VCL: variants seen among roughly 807,000 people sequenced by gnomAD.
VCL encodes the protein vinculin, also known as epididymis luminal protein 114.
A neutral mutation model predicts 125.7 loss-of-function variants in VCL; 47 were observed. That is an observed-to-expected ratio of 0.37 (90% CI 0.30 to 0.48). The LOEUF (loss-of-function observed/expected upper bound fraction) is 0.48, where lower values mean the gene tolerates loss of function less well. VCL is among the 20% of genes least tolerant of loss of function. The pLI, the probability that VCL is intolerant of heterozygous loss-of-function variation, is 0.99. For missense variants in VCL, 1,069 were observed against 1,455.5 expected, an observed-to-expected ratio of 0.73 and a Z score of 4.32; for synonymous variants, 458 against 514.6, an observed-to-expected ratio of 0.89 and a Z score of 1.49.
At chr10:74,003,123 A>C (rs1309439105) in intron 1 of VCL, among the ~76,000 whole-genome samples, 1 of 151,810 alleles carries the variant, frequency 6.6e-6, no homozygotes, top group Non-Finnish European at 1.5e-5. Context: ...TCCAAGCTGG[A>C]GTGCAGTGGC....
rs147430380 is a variant in VCL at position 74,009,733 on chromosome 10, C to T, written c.168+11358C>T. ...CAAGCAGTTCTCCTGTTTCAGCCTC[C>T]CAAGTAGCTGGGACTACAGGCATGC... On this transcript the variant is annotated intron_variant, in intron 1 of 21. Coordinates refer to ENST00000211998, the MANE Select transcript of VCL (RefSeq NM_014000.3). Among the ~76,000 whole-genome samples the T allele has an allele frequency of 7.1e-4, 108 of 151,948 alleles. 6 individuals carry two copies. Among genetic ancestry groups the T allele is most frequent in the Middle Eastern group, 6.8e-3 (2 of 294 alleles).
At chr10:74,095,992 A>G in intron 12 of VCL, 137 bp downstream of exon 12, 1 of 1,106,342 alleles carries the variant, frequency 9.0e-7, no homozygotes, top group Non-Finnish European at 1.3e-6. Context: ...CAAAGATATA[A>G]GGAAATCTAG....
rs779514276 is a variant in VCL, at chr10:74,100,940, T to G, written c.1873-8T>G. On this transcript the variant is annotated splice_region_variant and splice_polypyrimidine_tract_variant and intron_variant, in intron 13 of 21. Coordinates refer to ENST00000211998, the MANE Select transcript of VCL (RefSeq NM_014000.3). ...ATAAATGTTCTTAATATCTGTTTTTTCCTCAAGGTATTTGATGAGAGGGCA... is the reference window on the plus strand; with the variant it reads ...ATAAATGTTCTTAATATCTGTTTTTGCCTCAAGGTATTTGATGAGAGGGCA... The G allele has an allele frequency of 6.2e-7, 1 of 1,614,006 alleles. No individual in the cohort carries two copies. The highest frequency in any genetic ancestry group is 1.1e-5 in the South Asian group (1 of 91,060).
Position 74,105,348 on chromosome 10 carries a change from A to T in VCL, c.2429A>T (p.Asp810Val). Residue 810 changes from aspartate to valine, a missense_variant, in exon 16 of 22, where the codon GAC becomes GTC. By Grantham distance (152) the Asp-to-Val change is radical. Around this residue, in one of 6 missense-constraint regions of VCL, gnomAD observed 760 missense variants for 928.9 expected, o/e 0.82. Coordinates refer to ENST00000211998, the MANE Select transcript of VCL (RefSeq NM_014000.3). ...AAAGCTGTGGCTGGAAACATTTCCG[A>T]CCCTGGTAAGCAATGCATGGCACTA... is the stretch of plus-strand genomic sequence containing the variant. ...DAKAVAGNISDPGLQKSFLDS... is the reference protein window; with the variant it reads ...DAKAVAGNISVPGLQKSFLDS... The T allele has an allele frequency of 6.2e-7, 1 of 1,612,152 alleles. No individual in the cohort carries two copies. Among genetic ancestry groups the T allele is most frequent in the Non-Finnish European group, 8.5e-7 (1 of 1,179,924 alleles).
intron 1 of VCL, among the ~76,000 whole-genome samples, chr10:74,029,117 A>ATT (rs547013797): frequency 7.3e-6 from 1 of 137,380 alleles, no homozygotes; most frequent in South Asian, 2.3e-4. Flanking sequence ...ATACAGAAGA[A>ATT]TTTTTTTTTT....
chr10:74,010,215 T>G (rs747078791), intron 1 of VCL, among the ~76,000 whole-genome samples: 15 of 152,188 alleles, frequency 9.9e-5, no homozygotes, highest in Non-Finnish European at 1.8e-4. Context: ...TGTGAGCCAC[T>G]GCACCAGCCT....
chr10:73,998,129 T>A lies in VCL; in HGVS notation c.-79T>A. On this transcript the variant is annotated 5_prime_UTR_variant, in exon 1 of 22. Transcript: ENST00000211998. ...CCCCGACTCCGTAGTCGCTGCACAG[T>A]CTGTCTCTTCGCCGGTTCCCGGCCC... 1 of 1,563,440 alleles carries A rather than the reference T, an allele frequency of 6.4e-7. No individual in the cohort carries two copies. Among genetic ancestry groups the A allele is most frequent in the Non-Finnish European group, 8.7e-7 (1 of 1,155,130 alleles).
intron 5 of VCL, among the ~76,000 whole-genome samples, chr10:74,073,663 C>T (rs1171652103): frequency 1.3e-5 from 2 of 152,082 alleles, no homozygotes; most frequent in Admixed American, 6.5e-5. Context: ...CTTTAGTCAC[C>T]AGCTGGGACT....
rs777424874 is a variant in VCL, at chr10:74,095,780, T to C, written c.1668T>C (p.Ala556=). Residue 556 remains alanine, a synonymous_variant, in exon 12 of 22, where the codon GCT becomes GCC. Transcript: ENST00000211998. ...TGGACCAGCTGACAGCCCAGCTGGC[T>C]GACCTGGCTGCCAGAGGGGAAGGGG... is the stretch of plus-strand genomic sequence containing the variant. ...DRVDQLTAQL[A]DLAARGEGES... 2 of 1,614,184 alleles carry C rather than the reference T, an allele frequency of 1.2e-6. No individual in the cohort carries two copies. The highest frequency in any genetic ancestry group is 2.2e-5 in the South Asian group (2 of 91,084).
chr10:74,074,845 A>G lies in VCL; in HGVS notation c.725A>G (p.Asn242Ser). The change falls in exon 6 of 22, where the codon AAT becomes AGT. Residue 242 changes from asparagine to serine, a missense_variant. This residue lies in a region of VCL where 760 missense variants were observed against 928.9 expected (regional missense o/e 0.82). Coordinates refer to ENST00000211998, the MANE Select transcript of VCL (RefSeq NM_014000.3). ...FTVEKMSAEI[N>S]EIIRVLQLTS... ...GTAGAAAAAATGAGTGCTGAAATTAATGAGATAATTCGTGTGTTACAACTC... is the reference window on the plus strand; with the variant it reads ...GTAGAAAAAATGAGTGCTGAAATTAGTGAGATAATTCGTGTGTTACAACTC... 6.2e-7 allele frequency: 1 copy of G among 1,614,200 alleles called. No homozygotes were observed. Among genetic ancestry groups the G allele is most frequent in the Non-Finnish European group, 8.5e-7 (1 of 1,180,028 alleles).
At chr10:74,025,572 C>T (rs1295336244) in intron 1 of VCL, among the ~76,000 whole-genome samples, 6 of 150,840 alleles carry the variant, frequency 4.0e-5, no homozygotes, top group African/African-American at 1.5e-4. Flanking sequence ...TGAGATTGCC[C>T]CACTGCAGTC....
intron 1 of VCL, among the ~76,000 whole-genome samples, chr10:74,021,572 C>G (rs1204107440): frequency 2.0e-5 from 3 of 152,174 alleles, no homozygotes; most frequent in Non-Finnish European, 2.9e-5. Flanking sequence ...AACTACCATA[C>G]CTATTACATC....
chr10:74,044,694 C>T (rs1841162654), intron 2 of VCL, among the ~76,000 whole-genome samples: 1 of 152,176 alleles, frequency 6.6e-6, no homozygotes, highest in African/African-American at 2.4e-5. Flanking sequence ...TCCACATGCA[C>T]ACCAGCATCC....
At chr10:74,019,786 G>A (rs1002512873) in intron 1 of VCL, among the ~76,000 whole-genome samples, 4 of 152,176 alleles carry the variant, frequency 2.6e-5, no homozygotes, top group African/African-American at 7.2e-5. Context: ...TAATTGGCCC[G>A]GTGTGATGGC....
chr10:74,086,067 A>G (rs1361996201), intron 8 of VCL, among the ~76,000 whole-genome samples: 1 of 152,092 alleles, frequency 6.6e-6, no homozygotes, highest in Non-Finnish European at 1.5e-5. Flanking sequence ...GGGTTTCACC[A>G]TGTTGATCAG....
At chr10:74,000,303 G>A (rs981437390) in intron 1 of VCL, among the ~76,000 whole-genome samples, 1 of 131,866 alleles carries the variant, frequency 7.6e-6, no homozygotes, top group South Asian at 2.3e-4. Flanking sequence ...GCTCTGTCAC[G>A]CAGGCGCTGG....
In VCL at chr10:74,095,749, A is replaced by T. The variant is rs1274067747; in HGVS notation, c.1637A>T (p.Asp546Val). The change falls in exon 12 of 22, where the codon GAC becomes GTC. Residue 546 changes from aspartate (D) to valine (V), a missense_variant. Around this residue, in one of 6 missense-constraint regions of VCL, gnomAD observed 760 missense variants for 928.9 expected, o/e 0.82. Transcript: ENST00000211998. ...PYRQDLLAKC[D>V]RVDQLTAQLA... is the part of the protein sequence containing the mutation. Reference sequence around the variant, plus strand: ...CGGCAAGATCTTCTCGCCAAGTGTGACCGAGTGGACCAGCTGACAGCCCAG... The same window carrying T: ...CGGCAAGATCTTCTCGCCAAGTGTGTCCGAGTGGACCAGCTGACAGCCCAG... The T allele has an allele frequency of 9.9e-6, 16 of 1,614,048 alleles. No individual in the cohort carries two copies. Among genetic ancestry groups the T allele is most frequent in the Non-Finnish European group, 1.4e-5 (16 of 1,180,024 alleles).
At chr10:74,032,286 T>G (rs189354495) in intron 1 of VCL, among the ~76,000 whole-genome samples, 46 of 151,378 alleles carry the variant, frequency 3.0e-4, no homozygotes, top group African/African-American at 1.0e-3. Context: ...AAGCTATATT[T>G]TAGTCTTAAA....
chr10:74,109,576 C>CTTTTCTT (rs112926077), intron 18 of VCL, among the ~76,000 whole-genome samples: 1,570 of 147,380 alleles, frequency 0.011, 33 homozygotes, highest in African/African-American at 0.037. Context: ...TTTGCATTTT[C>CTTTTCTT]TTTTTTTTTC....
Sources: gnomAD v4.1 joint callset for allele counts (sites outside exome capture counted in the v4.1 genomes callset) on GRCh38, gnomAD v4.1.1 for gene constraint, gnomAD v4.1.1 regional missense constraint, MANE v1.5 for transcripts, NCBI Gene and HGNC (gene_info 2026-07-23, HGNC 2026-07-21) for gene names.